Variants in DOCK2 observed in about 807,000 individuals in gnomAD.
DOCK2 encodes dedicator of cytokinesis 2.
A neutral mutation model predicts 248.9 loss-of-function variants in DOCK2; 87 were observed. The ratio of observed to expected loss-of-function variants is 0.35; its 90% confidence interval spans 0.29 to 0.42. The LOEUF is 0.42. Among genes scored for constraint, DOCK2 ranks in the 10% least tolerant of loss-of-function variants. The pLI is 1.00. For missense variants in DOCK2, 1,747 were observed against 2,300.2 expected (o/e 0.76, Z 4.92); for synonymous variants, 805 against 821.6 (o/e 0.98, Z 0.35).
intron 27 of DOCK2, among the ~76,000 whole-genome samples, chr5:169,955,688 T>C (rs1776837934): frequency 6.6e-6 from 1 of 152,166 alleles, no homozygotes; most frequent in Non-Finnish European, 1.5e-5. Context: ...CTAGCCACTA[T>C]ATAGCTGTGG....
At chr5:169,840,902 A>G (rs938740597) in intron 27 of DOCK2, 50 bp downstream of exon 27, 9 of 1,581,818 alleles carry the variant, frequency 5.7e-6, no homozygotes, top group Non-Finnish European at 4.3e-6. Flanking sequence ...TTCAGCATCT[A>G]AAAATGGATT....
intron 27 of DOCK2, among the ~76,000 whole-genome samples, chr5:169,871,992 C>T (rs1032915195): frequency 6.6e-6 from 1 of 152,232 alleles, no homozygotes; most frequent in African/African-American, 2.4e-5. Flanking sequence ...CCATTTTGCA[C>T]TTCCTTCTCA....
intron 1 of DOCK2, among the ~76,000 whole-genome samples, chr5:169,637,912 G>GC (rs1171988326): frequency 1.3e-5 from 2 of 152,046 alleles, no homozygotes; most frequent in South Asian, 2.1e-4. Flanking sequence ...TCTCTACTCA[G>GC]CCCCCCAGAG....
chr5:169,845,387 G>A (rs1352209069), intron 27 of DOCK2, among the ~76,000 whole-genome samples: 1 of 151,944 alleles, frequency 6.6e-6, no homozygotes, highest in Non-Finnish European at 1.5e-5. Context: ...CTATTTGTAG[G>A]CTCTCCCCAC....
At chr5:169,782,524 CT>C (rs1181468270) in intron 25 of DOCK2, among the ~76,000 whole-genome samples, 1 of 129,222 alleles carries the variant, frequency 7.7e-6, no homozygotes, top group Non-Finnish European at 1.7e-5. Flanking sequence ...TTTTTAATTT[CT>C]TGATTCATCC....
intron 27 of DOCK2, among the ~76,000 whole-genome samples, chr5:169,851,253 C>T (rs897431617): frequency 6.6e-6 from 1 of 152,188 alleles, no homozygotes; most frequent in Non-Finnish European, 1.5e-5. Context: ...CCAATCTTTC[C>T]TGTAAAGATT....
intron 10 of DOCK2, among the ~76,000 whole-genome samples, chr5:169,696,875 A>C (rs10074598): frequency 0.17 from 26,224 of 150,164 alleles, 3,285 homozygotes; most frequent in African/African-American, 0.36. Flanking sequence ...AGCCAGTGAT[A>C]TTGGGCAAGC....
intron 25 of DOCK2, among the ~76,000 whole-genome samples, chr5:169,768,655 C>T (rs779428706): frequency 2.6e-5 from 4 of 152,084 alleles, no homozygotes; most frequent in African/African-American, 9.7e-5. Context: ...TGCAGCAAGC[C>T]GGGGTGTTAG....
rs113033165 is a variant in DOCK2 at position 169,708,354 on chromosome 5, G to A, written c.1482+87G>A. On this transcript the variant is annotated intron_variant, in intron 15 of 51. Transcript: ENST00000520908. ...TAAGTGCTTTATTTAAATAATTTAT[G>A]TATTGCTTACAACAGCCGTGTGAGG... The A allele has an allele frequency of 3.6e-5, 46 of 1,286,034 alleles. No homozygotes were observed. The African/African-American group carries it at 4.9e-4, about 14-fold the overall frequency. 79.7% of individuals were successfully genotyped at this position (1,286,034 alleles called of 1,614,324 possible). A position where few individuals can be genotyped will look rare whatever the true frequency, so the allele number is the denominator to read the frequency against.
At chr5:169,715,479 C>A (rs1761846052) in intron 19 of DOCK2, among the ~76,000 whole-genome samples, 1 of 152,156 alleles carries the variant, frequency 6.6e-6, no homozygotes, top group South Asian at 2.1e-4. Context: ...CCTCGTTCAG[C>A]AATGGCAGAG....
At chr5:169,696,784 G>C (rs1398788092) in intron 10 of DOCK2, among the ~76,000 whole-genome samples, 2 of 151,000 alleles carry the variant, frequency 1.3e-5, no homozygotes, top group Non-Finnish European at 2.9e-5. Context: ...GGCACTGCTT[G>C]CAAAGCGGTG....
rs1279220236 is a variant in DOCK2, at chr5:169,674,275, T to C, written c.322-22T>C. ...CATGCCCCTTTAACACAGGTAATTA[T>C]GGGTTGTTTCTTGTCTCCTAGGCCA... On this transcript the variant is annotated intron_variant, in intron 5 of 51. Transcript: ENST00000520908. 3.1e-6 allele frequency: 5 copies of C among 1,613,062 alleles called. No homozygotes were observed. In the Admixed American group the frequency reaches 5.0e-5, roughly 16 times the overall value.
intron 27 of DOCK2, among the ~76,000 whole-genome samples, chr5:169,947,842 T>C (rs1361301378): frequency 2.0e-5 from 3 of 151,400 alleles, no homozygotes; most frequent in African/African-American, 7.3e-5. Context: ...ACAGCATAAA[T>C]ACCTACAGCA....
intron 36 of DOCK2, among the ~76,000 whole-genome samples, chr5:170,038,304 G>A (rs1053427664): frequency 2.6e-5 from 4 of 152,060 alleles, no homozygotes; most frequent in African/African-American, 4.8e-5. Context: ...AAACACAGAC[G>A]GCAAATCCCA....
intron 6 of DOCK2, among the ~76,000 whole-genome samples, chr5:169,679,584 A>G (rs1364142739): frequency 6.6e-6 from 1 of 152,218 alleles, no homozygotes; most frequent in Non-Finnish European, 1.5e-5. Context: ...ATAAATTTTG[A>G]GGAGAAACAG....
chr5:169,681,987 T>C (rs1379088859), intron 7 of DOCK2, 108 bp downstream of exon 7: 77 of 1,477,850 alleles, frequency 5.2e-5, no homozygotes, highest in Non-Finnish European at 6.5e-5. Context: ...AAGGGGCATC[T>C]GTCTATGACC....
intron 27 of DOCK2, among the ~76,000 whole-genome samples, chr5:169,934,430 G>C (rs944590332): frequency 6.6e-6 from 1 of 152,100 alleles, no homozygotes; most frequent in African/African-American, 2.4e-5. Context: ...AACCCTCAAG[G>C]GCAGGGTGTC....
intron 25 of DOCK2, among the ~76,000 whole-genome samples, chr5:169,793,239 A>T (rs2113077526): frequency 6.6e-6 from 1 of 152,320 alleles, no homozygotes; most frequent in East Asian, 1.9e-4. Flanking sequence ...CATCTAATCC[A>T]TCAGCAGGTC....
At chr5:169,795,403 G>A (rs189706023) in intron 25 of DOCK2, among the ~76,000 whole-genome samples, 21 of 152,292 alleles carry the variant, frequency 1.4e-4, no homozygotes, top group African/African-American at 4.3e-4. Flanking sequence ...AAGTGGAGAC[G>A]TAGATGGCGC....
Sources: allele counts gnomAD v4.1 joint callset (sites outside exome capture counted in the v4.1 genomes callset), GRCh38; gene constraint gnomAD v4.1.1; transcripts MANE v1.5; gene names NCBI Gene and HGNC (gene_info 2026-07-23, HGNC 2026-07-21).